The following ADAMTSL1 variants were observed in gnomAD, a reference collection of about 807,000 sequenced individuals.
ADAMTSL1 encodes the protein ADAMTS like 1.
Under a neutral mutation model 201.8 loss-of-function variants are expected in ADAMTSL1, and 126 were observed. That is an observed-to-expected ratio of 0.62 (90% CI 0.54 to 0.72). ADAMTSL1 has a LOEUF of 0.72. Among genes scored for constraint, ADAMTSL1 ranks in the 30% least tolerant of loss-of-function variants. ADAMTSL1 has a pLI of 0.00. For synonymous variants in ADAMTSL1, 1,121 were observed against 903.4 expected (o/e 1.24, Z -4.32); for missense variants, 2,679 against 2,277.8 (o/e 1.18, Z -3.59).
At chr9:17,974,444 C>A (rs1404734077) in intron 1 of ADAMTSL1, among the ~76,000 whole-genome samples, 1 of 151,962 alleles carries the variant, frequency 6.6e-6, no homozygotes, top group Non-Finnish European at 1.5e-5. Context: ...AATGTAGTCA[C>A]CATGCTGTAC....
chr9:18,845,127 G>T (rs1030245356), intron 23 of ADAMTSL1, among the ~76,000 whole-genome samples: 2 of 152,206 alleles, frequency 1.3e-5, no homozygotes, highest in Admixed American at 6.5e-5. Context: ...CCCGTCTTCT[G>T]CATTGCTCAC....
intron 16 of ADAMTSL1, among the ~76,000 whole-genome samples, chr9:18,757,402 T>C (rs1010419063): frequency 6.6e-6 from 1 of 152,146 alleles, no homozygotes; most frequent in Non-Finnish European, 1.5e-5. Context: ...AACACTGTGA[T>C]TGAGAATCAC....
intron 1 of ADAMTSL1, among the ~76,000 whole-genome samples, chr9:17,938,410 A>C (rs904443702): frequency 3.9e-5 from 6 of 152,024 alleles, no homozygotes; most frequent in Non-Finnish European, 1.5e-5. Flanking sequence ...TCAAAGAGAT[A>C]CCCCCAGGTA....
At chr9:18,013,209 A>T (rs1820126050) in intron 1 of ADAMTSL1, among the ~76,000 whole-genome samples, 1 of 152,060 alleles carries the variant, frequency 6.6e-6, no homozygotes, top group Non-Finnish European at 1.5e-5. Flanking sequence ...TTACATGTGC[A>T]GCTTCTTATA....
intron 1 of ADAMTSL1, among the ~76,000 whole-genome samples, chr9:18,083,714 A>G (rs937681099): frequency 6.6e-6 from 1 of 152,206 alleles, no homozygotes; most frequent in Admixed American, 6.5e-5. Context: ...AGTTATGTGG[A>G]CAACCTCGTC....
intron 14 of ADAMTSL1, among the ~76,000 whole-genome samples, chr9:18,715,265 G>C (rs1473765638): frequency 6.6e-6 from 1 of 151,116 alleles, no homozygotes; most frequent in Non-Finnish European, 1.5e-5. Context: ...AGGAAATAAA[G>C]GGTATTCAAT....
chr9:17,997,005 C>A (rs575992729), intron 1 of ADAMTSL1, among the ~76,000 whole-genome samples: 1 of 152,128 alleles, frequency 6.6e-6, no homozygotes, highest in South Asian at 2.1e-4. Flanking sequence ...TAAGAACCTA[C>A]GTAAGCTTTC....
chr9:18,094,760 G>A (rs939149399), intron 1 of ADAMTSL1, among the ~76,000 whole-genome samples: 9 of 151,242 alleles, frequency 6.0e-5, no homozygotes, highest in Admixed American at 2.6e-4. Context: ...TAGAGACAGG[G>A]TTTCACCATG....
intron 2 of ADAMTSL1, among the ~76,000 whole-genome samples, chr9:18,269,399 C>T (rs1832268525): frequency 6.6e-6 from 1 of 152,084 alleles, no homozygotes. Context: ...GAGACCTTCT[C>T]TCTAGGTCCT....
intron 23 of ADAMTSL1, among the ~76,000 whole-genome samples, chr9:18,836,597 A>C (rs1222436248): frequency 1.3e-5 from 2 of 152,136 alleles, no homozygotes; most frequent in Non-Finnish European, 2.9e-5. Flanking sequence ...TTTTGGTTGC[A>C]TATGAATTTT....
intron 2 of ADAMTSL1, among the ~76,000 whole-genome samples, chr9:18,326,240 T>C (rs1366304210): frequency 6.6e-6 from 1 of 152,130 alleles, no homozygotes; most frequent in Admixed American, 6.5e-5. Context: ...AACTTATCTA[T>C]AGTAATTGGA....
intron 1 of ADAMTSL1, among the ~76,000 whole-genome samples, chr9:17,955,362 C>A (rs1338159009): frequency 3.3e-5 from 5 of 152,088 alleles, no homozygotes; most frequent in Non-Finnish European, 7.4e-5. Flanking sequence ...TCTTGGTTTG[C>A]TGAGGCATAA....
At position 18,032,441 on chromosome 9, in the gene ADAMTSL1, G is replaced by C. The variant is rs181995412; in HGVS notation, c.87+125519G>C. ...AGGCTATTGGCAAAACATCCGGGTG[G>C]GGCAGTGGAGGCTGAGCTGTGTACA... On this transcript the variant is annotated intron_variant, in intron 1 of 29. Coordinates refer to the ADAMTSL1 transcript ENST00000680146. Among the ~76,000 whole-genome samples the C allele has an allele frequency of 4.2e-3, 639 of 152,268 alleles. 6 individuals are homozygous for C. The highest frequency in any genetic ancestry group is 0.015 in the African/African-American group (614 of 41,552).
chr9:18,579,261 C>T lies in ADAMTSL1; in HGVS notation c.474+4995C>T, dbSNP rs925939375. On this transcript the variant is annotated intron_variant, in intron 4 of 28. Transcript: ENST00000380548. ...ATCGCAAGAACAAAAAACCAAACGC[C>T]GCATATTCTCACTCATAGGTGGGAA... Among the ~76,000 whole-genome samples, 9 of 147,808 alleles carry T rather than the reference C, an allele frequency of 6.1e-5. No homozygotes were observed. In the South Asian group the frequency reaches 8.7e-4, roughly 14 times the overall value.
At chr9:18,115,251 G>T (rs182010209) in intron 1 of ADAMTSL1, among the ~76,000 whole-genome samples, 1 of 152,010 alleles carries the variant, frequency 6.6e-6, no homozygotes, top group Non-Finnish European at 1.5e-5. Flanking sequence ...TCTCACTGAC[G>T]TCAAGGTGAT....
At chr9:18,398,137 T>A (rs1460352396) in intron 2 of ADAMTSL1, among the ~76,000 whole-genome samples, 1 of 152,180 alleles carries the variant, frequency 6.6e-6, no homozygotes, top group African/African-American at 2.4e-5. Flanking sequence ...TAGACTATCA[T>A]CTTACTAAAT....
At chr9:18,836,592 G>T (rs905810227) in intron 23 of ADAMTSL1, among the ~76,000 whole-genome samples, 7 of 151,914 alleles carry the variant, frequency 4.6e-5, no homozygotes, top group Non-Finnish European at 7.4e-5. Flanking sequence ...CTCTTTTTTG[G>T]TTGCATATGA....
intron 2 of ADAMTSL1, among the ~76,000 whole-genome samples, chr9:18,356,869 A>G (rs1172059058): frequency 2.0e-5 from 3 of 150,392 alleles, no homozygotes; most frequent in Admixed American, 6.6e-5. Context: ...AACTTTTCAC[A>G]TACCACACAC....
intron 11 of ADAMTSL1, 26 bp downstream of exon 11, chr9:18,680,542 A>G: frequency 6.2e-7 from 1 of 1,610,730 alleles, no homozygotes; most frequent in Non-Finnish European, 8.5e-7. Context: ...TTCTTTGTTC[A>G]TTAGGAGAGT....
Sources: gnomAD v4.1 joint callset for allele counts (sites outside exome capture counted in the v4.1 genomes callset) on GRCh38, gnomAD v4.1.1 for gene constraint, MANE v1.5 for transcripts, NCBI Gene and HGNC (gene_info 2026-07-23, HGNC 2026-07-21) for gene names.